RBFOX1: variants seen among roughly 807,000 people sequenced by gnomAD.
RBFOX1 encodes the protein RNA binding protein fox-1 homolog 1.
A neutral mutation model predicts 57.7 loss-of-function variants in RBFOX1; 8 were observed. That is an observed-to-expected ratio of 0.14 (90% CI 0.08 to 0.25). The LOEUF is 0.25. Among genes scored for constraint, RBFOX1 ranks in the 10% least tolerant of loss-of-function variants. The pLI is 1.00. For synonymous variants in RBFOX1, 326 were observed against 222.4 expected (o/e 1.47, Z -4.15); for missense variants, 611 against 548.5 (o/e 1.11, Z -1.14).
At chr16:6,872,499 C>A (rs1318506235) in intron 3 of RBFOX1, among the ~76,000 whole-genome samples, 1 of 152,146 alleles carries the variant, frequency 6.6e-6, no homozygotes, top group East Asian at 1.9e-4. Flanking sequence ...TCAGGCTTCC[C>A]TGAATTCCCT....
At chr16:6,595,040 G>A (rs891999777) in intron 2 of RBFOX1, among the ~76,000 whole-genome samples, 10 of 152,164 alleles carry the variant, frequency 6.6e-5, no homozygotes, top group Non-Finnish European at 1.5e-4. Flanking sequence ...ACCCGCCTCT[G>A]CCTCCCAAAG....
chr16:6,383,495 C>G (rs1339661076), intron 2 of RBFOX1, among the ~76,000 whole-genome samples: 1 of 152,148 alleles, frequency 6.6e-6, no homozygotes. Context: ...CAGCACAGGG[C>G]TGGACACAGT....
intron 1 of RBFOX1, among the ~76,000 whole-genome samples, chr16:5,400,151 G>A (rs2066673992): frequency 1.3e-5 from 2 of 151,334 alleles, no homozygotes; most frequent in African/African-American, 4.9e-5. Context: ...CCAGGCTGGA[G>A]TGCAGTCTTG....
At chr16:6,290,570 A>C (rs985591160) in intron 1 of RBFOX1, among the ~76,000 whole-genome samples, 1 of 152,216 alleles carries the variant, frequency 6.6e-6, no homozygotes, top group African/African-American at 2.4e-5. Flanking sequence ...AGATAATTGT[A>C]TGTGGAAAAG....
intron 2 of RBFOX1, among the ~76,000 whole-genome samples, chr16:5,591,208 T>G (rs932771140): frequency 6.6e-6 from 1 of 151,946 alleles, no homozygotes; most frequent in African/African-American, 2.4e-5. Context: ...AAATATAAAA[T>G]GAGTTTTCCT....
At chr16:7,227,115 A>G (rs2093174467) in intron 4 of RBFOX1, among the ~76,000 whole-genome samples, 1 of 152,056 alleles carries the variant, frequency 6.6e-6, no homozygotes, top group Admixed American at 6.6e-5. Flanking sequence ...TTGGTCCTGG[A>G]GATATTTGAG....
intron 1 of RBFOX1, among the ~76,000 whole-genome samples, chr16:5,405,381 T>A (rs1245103262): frequency 6.6e-6 from 1 of 152,196 alleles, no homozygotes; most frequent in African/African-American, 2.4e-5. Flanking sequence ...ATCCGATGAT[T>A]TTATAAAAAG....
intron 3 of RBFOX1, among the ~76,000 whole-genome samples, chr16:6,894,755 A>T (rs1347452865): frequency 6.6e-6 from 1 of 152,032 alleles, no homozygotes; most frequent in Non-Finnish European, 1.5e-5. Context: ...AGTTTAGTTC[A>T]TTTTTTTCTA....
At chr16:5,876,624 G>A (rs2057619273) in intron 4 of RBFOX1, among the ~76,000 whole-genome samples, 1 of 152,120 alleles carries the variant, frequency 6.6e-6, no homozygotes, top group East Asian at 1.9e-4. Flanking sequence ...GATTTTTTGA[G>A]TGTTCTGTGA....
intron 3 of RBFOX1, among the ~76,000 whole-genome samples, chr16:6,753,764 A>T (rs532145651): frequency 1.3e-5 from 2 of 152,136 alleles, no homozygotes; most frequent in African/African-American, 4.8e-5. Context: ...GATTTATGTG[A>T]TTCGTAGTGA....
intron 4 of RBFOX1, among the ~76,000 whole-genome samples, chr16:7,416,311 ACGGACAAGTCAAAGCTTT>A (rs2098477349): frequency 6.6e-6 from 1 of 152,202 alleles, no homozygotes; most frequent in Admixed American, 6.5e-5. Context: ...CTCTGAGCTT[ACGGACAAGTCAAAGCTTT>A]CTGTTGATCC....
intron 4 of RBFOX1, among the ~76,000 whole-genome samples, chr16:7,177,890 G>A (rs1438333721): frequency 1.3e-5 from 2 of 152,174 alleles, no homozygotes; most frequent in Non-Finnish European, 2.9e-5. Context: ...GTGGGTTGTG[G>A]TTTACCAGCT....
At chr16:6,521,460 C>A (rs1234420810) in intron 2 of RBFOX1, among the ~76,000 whole-genome samples, 1 of 134,048 alleles carries the variant, frequency 7.5e-6, no homozygotes, top group African/African-American at 2.8e-5. Flanking sequence ...CGTCCCCTCT[C>A]CTCTCCTCTC....
chr16:6,670,080 G>T (rs2098754720), intron 3 of RBFOX1, among the ~76,000 whole-genome samples: 1 of 152,048 alleles, frequency 6.6e-6, no homozygotes, highest in African/African-American at 2.4e-5. Flanking sequence ...GGAGTGCAGT[G>T]GTATGATCAT....
chr16:6,785,277 C>G (rs529001639), intron 3 of RBFOX1, among the ~76,000 whole-genome samples: 90 of 152,242 alleles, frequency 5.9e-4, no homozygotes, highest in African/African-American at 2.1e-3. Context: ...AAGAATTATT[C>G]TAAACACCAT....
intron 3 of RBFOX1, among the ~76,000 whole-genome samples, chr16:6,837,426 C>T (rs2093179065): frequency 6.6e-6 from 1 of 152,226 alleles, no homozygotes; most frequent in African/African-American, 2.4e-5. Flanking sequence ...GCTGATCACC[C>T]AGCCTCACCC....
At chr16:7,458,868 G>C (rs1228398971) in intron 4 of RBFOX1, among the ~76,000 whole-genome samples, 1 of 152,094 alleles carries the variant, frequency 6.6e-6, no homozygotes, top group African/African-American at 2.4e-5. Flanking sequence ...TGTATTTTAT[G>C]TTTCATTTGT....
At chr16:6,266,904 C>T (rs911707367) in intron 1 of RBFOX1, among the ~76,000 whole-genome samples, 1 of 152,134 alleles carries the variant, frequency 6.6e-6, no homozygotes, top group African/African-American at 2.4e-5. Context: ...TTGATTGATT[C>T]GCTTCTGAAT....
At chr16:5,260,199 C>G (rs1425923771) in intron 1 of RBFOX1, among the ~76,000 whole-genome samples, 1 of 151,976 alleles carries the variant, frequency 6.6e-6, no homozygotes, top group African/African-American at 2.4e-5. Context: ...TAACCACCAC[C>G]AAAATGGGTT....
Sources: gnomAD v4.1 joint callset for allele counts (sites outside exome capture counted in the v4.1 genomes callset) on GRCh38, gnomAD v4.1.1 for gene constraint, MANE v1.5 for transcripts, NCBI Gene and HGNC (gene_info 2026-07-23, HGNC 2026-07-21) for gene names.